Variants in E2F5 observed in about 807,000 individuals in gnomAD.
E2F5 encodes the protein transcription factor E2F5.
E2F5 carries 23 observed loss-of-function variants against 39.1 expected under a neutral mutation model. The ratio of observed to expected loss-of-function variants is 0.59; its 90% confidence interval spans 0.42 to 0.83. E2F5 has a LOEUF of 0.83. Ranked by LOEUF, E2F5 falls within the 40% of genes least tolerant of loss-of-function variation. The probability of loss-of-function intolerance (pLI) is 0.00; values close to 1 mark genes in which losing one functional copy is unlikely to be tolerated. For synonymous variants in E2F5, 145 were observed against 157.8 expected (o/e 0.92, Z 0.61); for missense variants, 365 against 406.7 (o/e 0.90, Z 0.88).
At chr8:85,180,078 GTGGCAGATCTC>G (rs553033599) in intron 1 of E2F5, among the ~76,000 whole-genome samples, 85 of 151,654 alleles carry the variant, frequency 5.6e-4, no homozygotes, top group African/African-American at 2.0e-3. Flanking sequence ...CTGGAGTGCA[GTGGCAGATCTC>G]TGCTCACTGC....
chr8:85,183,040 G>C (rs376873058), intron 1 of E2F5, among the ~76,000 whole-genome samples: 1 of 152,004 alleles, frequency 6.6e-6, no homozygotes, highest in South Asian at 2.1e-4. Flanking sequence ...TCACGAGGTC[G>C]GGAGATTGAG....
At chr8:85,208,671 T>G (rs1395293393) in intron 5 of E2F5, among the ~76,000 whole-genome samples, 1 of 152,238 alleles carries the variant, frequency 6.6e-6, no homozygotes, top group East Asian at 1.9e-4. Context: ...GATTACTTTT[T>G]CAGCTGGAAG....
chr8:85,213,033 GATGACAGGC>G (rs1273143166), intron 7 of E2F5: 1 of 151,758 alleles, frequency 6.6e-6, no homozygotes, highest in Non-Finnish European at 1.5e-5. Flanking sequence ...GAGTAGCTGG[GATGACAGGC>G]ACCTGCCACC....
chr8:85,214,176 CA>C lies in E2F5; in HGVS notation c.*315del. 1.9e-6 allele frequency: 1 copy of C among 535,464 alleles called. No individual in the cohort carries two copies. Among genetic ancestry groups the C allele is most frequent in the Non-Finnish European group, 3.6e-6 (1 of 279,924 alleles). The allele number at this position is 535,464 out of a possible 1,614,324, so 33.2% of individuals were successfully genotyped here. The stretch of plus-strand genomic sequence containing the variant: ...CTTCTTAAGGAGGAAAGTTAAAGGA[CA>C]CTACAGGTCATCAAAAACAAGTTGG... On this transcript the variant is annotated 3_prime_UTR_variant, in exon 8 of 8. Coordinates refer to ENST00000416274, the MANE Select transcript of E2F5 (RefSeq NM_001951.4).
intron 1 of E2F5, chr8:85,201,916 T>C (rs1483405529): frequency 3.8e-6 from 2 of 525,694 alleles, no homozygotes; most frequent in East Asian, 3.4e-5. Context: ...CTTTGTGTCA[T>C]GACCTTAATT....
At chr8:85,203,067 G>A (rs1812727928) in intron 2 of E2F5, 27 bp from the exon 3 acceptor site, 2 of 1,419,122 alleles carry the variant, frequency 1.4e-6, no homozygotes, top group Admixed American at 2.8e-5. Context: ...CTGATACTGA[G>A]GATATTAATT....
rs1812821958 is a variant in E2F5, at chr8:85,207,421, C to G, written c.551-4C>G. On this transcript the variant is annotated splice_region_variant and splice_polypyrimidine_tract_variant and intron_variant, in intron 4 of 7. Transcript: ENST00000416274. ...TGTAACTTTTTATATTTATTTTTGA[C>G]CAGGTGATACACTTTTGGCCATTCA... 6.4e-7 allele frequency: 1 copy of G among 1,552,912 alleles called. No individual in the cohort carries two copies. The highest frequency in any genetic ancestry group is 1.4e-5 in the African/African-American group (1 of 73,262).
chr8:85,177,472 G>A lies in E2F5; in HGVS notation c.52G>A (p.Gly18Arg). 5 of 1,012,204 alleles carry A rather than the reference G, an allele frequency of 4.9e-6. No homozygotes were observed. Among genetic ancestry groups the A allele is most frequent in the Non-Finnish European group, 5.9e-6 (5 of 849,386 alleles). 62.7% of individuals were successfully genotyped at this position (1,012,204 alleles called of 1,614,324 possible). ...SSGQQAPAGQGQGQRPPPQPP... is the reference protein window; with the variant it reads ...SSGQQAPAGQRQGQRPPPQPP... The stretch of plus-strand genomic sequence containing the variant: ...GGGCCAGCAGGCGCCGGCAGGGCAG[G>A]GGCAGGGCCAGCGGCCGCCGCCGCA... The change falls in exon 1 of 8, where the codon GGG becomes AGG. Residue 18 changes from glycine to arginine, a missense_variant. Gly to Arg is a moderately radical substitution (Grantham distance 125). Transcript: ENST00000416274.
At chr8:85,205,001 C>G (rs1391064626) in intron 3 of E2F5, among the ~76,000 whole-genome samples, 2 of 152,174 alleles carry the variant, frequency 1.3e-5, no homozygotes, top group African/African-American at 4.8e-5. Context: ...GCCTGGCCAA[C>G]AGGGTGAAAC....
intron 3 of E2F5, among the ~76,000 whole-genome samples, chr8:85,205,808 A>C (rs1812791426): frequency 6.6e-6 from 1 of 152,164 alleles, no homozygotes; most frequent in Admixed American, 6.5e-5. Context: ...CATTTAATAC[A>C]AGAACAAAAA....
chr8:85,213,542 T>TAAAA (rs536955367), intron 7 of E2F5: 1,843 of 120,920 alleles, frequency 0.015, 21 homozygotes, highest in South Asian at 0.036. Context: ...GACTCCATCT[T>TAAAA]AAAAAAAAAA....
chr8:85,177,858 G>A, intron 1 of E2F5: 3 of 945,032 alleles, frequency 3.2e-6, no homozygotes, highest in Non-Finnish European at 4.0e-6. Context: ...ATGGCACCGA[G>A]CGGACGCGTA....
rs1023934432 is a variant in E2F5 at position 85,212,368 on chromosome 8, T to C, written c.931+164T>C. 3 of 557,302 alleles carry C rather than the reference T, an allele frequency of 5.4e-6. No individual in the cohort carries two copies. The African/African-American group carries it at 5.8e-5, about 11-fold the overall frequency. 34.5% of individuals were successfully genotyped at this position (557,302 alleles called of 1,614,324 possible). ...ACTTACAGTAAGTAATAGGCAACCT[T>C]CAGAATTTATTTTTCTTTGCTTGCA... On this transcript the variant is annotated intron_variant, in intron 7 of 7. Coordinates refer to ENST00000416274, the MANE Select transcript of E2F5 (RefSeq NM_001951.4).
At chr8:85,178,080 A>G (rs1287230764) in intron 1 of E2F5, 1 of 152,460 alleles carries the variant, frequency 6.6e-6, no homozygotes, top group Non-Finnish European at 1.5e-5. Context: ...GGATGGTTTT[A>G]ATAGGCGATT....
At chr8:85,177,753 G>T in intron 1 of E2F5, 99 bp downstream of exon 1, 1 of 1,141,930 alleles carries the variant, frequency 8.8e-7, no homozygotes, top group Non-Finnish European at 1.1e-6. Context: ...TGGTGTAGAC[G>T]CGCCTTGCGG....
intron 1 of E2F5, among the ~76,000 whole-genome samples, chr8:85,182,598 T>A (rs562681114): frequency 1.3e-5 from 2 of 152,336 alleles, no homozygotes; most frequent in East Asian, 3.9e-4. Context: ...AAGCTATTGG[T>A]GACATATTCT....
chr8:85,185,076 C>G (rs1040770366), intron 1 of E2F5, among the ~76,000 whole-genome samples: 3 of 152,096 alleles, frequency 2.0e-5, no homozygotes, highest in African/African-American at 2.4e-5. Flanking sequence ...GCAAAAATAA[C>G]AAAGCTGGAG....
intron 1 of E2F5, among the ~76,000 whole-genome samples, chr8:85,198,054 G>A (rs999617794): frequency 6.6e-6 from 1 of 152,108 alleles, no homozygotes; most frequent in Non-Finnish European, 1.5e-5. Flanking sequence ...TCCCAGTGCT[G>A]ATGAGAGAAT....
intron 3 of E2F5, among the ~76,000 whole-genome samples, chr8:85,204,201 G>T (rs1294348974): frequency 6.6e-6 from 1 of 151,946 alleles, no homozygotes; most frequent in Admixed American, 6.6e-5. Flanking sequence ...TTTTATCTTG[G>T]ACTTCGCTGC....
Sources: gnomAD v4.1 joint callset for allele counts (sites outside exome capture counted in the v4.1 genomes callset) on GRCh38, gnomAD v4.1.1 for gene constraint, MANE v1.5 for transcripts, NCBI Gene and HGNC (gene_info 2026-07-23, HGNC 2026-07-21) for gene names.